Variants in KIR3DL2 observed in about 807,000 individuals in gnomAD.
KIR3DL2 encodes killer cell immunoglobulin like receptor, three Ig domains and long cytoplasmic tail 2, also known as killer cell immunoglobulin-like receptor 3DL2.
In KIR3DL2, 42 loss-of-function variants were observed where a neutral mutation model predicts 41.6. The observed-to-expected ratio is 1.01, with a 90% CI of 0.79 to 1.31. The LOEUF (loss-of-function observed/expected upper bound fraction) is 1.31, where lower values mean the gene tolerates loss of function less well. Among genes scored for constraint, KIR3DL2 ranks in the 50% most tolerant of loss-of-function variants. The probability of loss-of-function intolerance (pLI) is 0.00; values close to 1 mark genes in which losing one functional copy is unlikely to be tolerated. For missense variants in KIR3DL2, 728 were observed against 576.8 expected, an observed-to-expected ratio of 1.26 and a Z score of -2.68; for synonymous variants, 230 against 221.3, an observed-to-expected ratio of 1.04 and a Z score of -0.35.
chr19:54,851,854 T>C, intron 2 of KIR3DL2, 144 bp from the exon 3 acceptor site: 1 of 860,956 alleles, frequency 1.2e-6, no homozygotes, highest in South Asian at 1.4e-5. Flanking sequence ...GCCATGTCTA[T>C]GTGGGGTGGG....
chr19:54,865,694 G>T (rs1601835696), intron 6 of KIR3DL2, 111 bp from the exon 7 acceptor site: 1 of 930,122 alleles, frequency 1.1e-6, no homozygotes, highest in South Asian at 1.5e-5. Context: ...CCATCAGGCT[G>T]CTTGTCCTAA....
Position 54,865,865 on chromosome 19 carries a change from T to A in KIR3DL2, c.1061T>A (p.Leu354His). The A allele has an allele frequency of 6.2e-7, 1 of 1,613,772 alleles. No homozygotes were observed. The highest frequency in any genetic ancestry group is 8.5e-7 in the Non-Finnish European group (1 of 1,179,838). ...GTSVVIFLFILLLFFLLYRWC... is the reference protein window; with the variant it reads ...GTSVVIFLFIHLLFFLLYRWC... The stretch of plus-strand genomic sequence containing the variant: ...TCAGTGGTCATCTTCCTCTTCATCC[T>A]CCTCCTCTTCTTTCTCCTTTATCGC... The change falls in exon 7 of 9, where the codon CTC becomes CAC. Residue 354 changes from leucine (L) to histidine (H), a missense_variant. Physicochemically the swap from Leu to His is moderately conservative, Grantham distance 99 (BLOSUM62 -3). Transcript: ENST00000326321.
chr19:54,855,987 G>T (rs2064739484), intron 5 of KIR3DL2, 75 bp downstream of exon 5: 1 of 1,525,114 alleles, frequency 6.6e-7, no homozygotes, highest in Admixed American at 1.8e-5. Flanking sequence ...CCGATGATGG[G>T]GAGAAGCATG....
intron 5 of KIR3DL2, among the ~76,000 whole-genome samples, chr19:54,857,901 A>T (rs1164019264): frequency 6.6e-6 from 1 of 151,858 alleles, no homozygotes; most frequent in Non-Finnish European, 1.5e-5. Context: ...CATTTCTGTG[A>T]TGATGAGTGA....
At chr19:54,864,275 T>G (rs2145723371) in intron 6 of KIR3DL2, among the ~76,000 whole-genome samples, 1 of 152,280 alleles carries the variant, frequency 6.6e-6, no homozygotes, top group South Asian at 2.1e-4. Flanking sequence ...TAGTATAGTT[T>G]GAAGTCAGGC....
chr19:54,866,882 CGCCACT>C lies in KIR3DL2; in HGVS notation c.*155_*160del. 1.1e-6 allele frequency: 1 copy of C among 870,730 alleles called. No homozygotes were observed. Among genetic ancestry groups the C allele is most frequent in the Non-Finnish European group, 1.8e-6 (1 of 555,380 alleles). The allele number at this position is 870,730 out of a possible 1,614,324, so 53.9% of individuals were successfully genotyped here. On this transcript the variant is annotated 3_prime_UTR_variant, in exon 9 of 9. Coordinates refer to ENST00000326321, the MANE Select transcript of KIR3DL2 (RefSeq NM_006737.4). Reference sequence around the variant, plus strand: ...TCTCTTGCTTACAAATGCCTAAGGTCGCCACTGCCTGCTGCAGAGAAAACACACTCC... The same window carrying C: ...TCTCTTGCTTACAAATGCCTAAGGTCGCCTGCTGCAGAGAAAACACACTCC...
chr19:54,857,236 C>A (rs2064855413), intron 5 of KIR3DL2, among the ~76,000 whole-genome samples: 1 of 151,162 alleles, frequency 6.6e-6, no homozygotes, highest in African/African-American at 2.5e-5. Context: ...ATTACAGGTG[C>A]ACGCCACCAT....
In KIR3DL2 at chr19:54,866,615, C is replaced by T; in HGVS notation, c.1252C>T (p.Pro418Ser). ...AAAAATCAGTCGCCCTTCTCAGAGGCCCAAGACACCCCTAACAGATACCAG... is the reference window on the plus strand; with the variant it reads ...AAAAATCAGTCGCCCTTCTCAGAGGTCCAAGACACCCCTAACAGATACCAG... ...QRKISRPSQR[P>S]KTPLTDTSVY... The change falls in exon 9 of 9, where the codon CCC (proline) becomes TCC (serine). Residue 418 changes from proline (P) to serine (S), a missense_variant. Coordinates refer to ENST00000326321, the MANE Select transcript of KIR3DL2 (RefSeq NM_006737.4). The T allele has an allele frequency of 6.2e-7, 1 of 1,613,996 alleles. No homozygotes were observed. Among genetic ancestry groups the T allele is most frequent in the South Asian group, 1.1e-5 (1 of 91,080 alleles).
chr19:54,862,417 T>C (rs1165038825), intron 6 of KIR3DL2, among the ~76,000 whole-genome samples: 1 of 152,048 alleles, frequency 6.6e-6, no homozygotes, highest in Non-Finnish European at 1.5e-5. Context: ...TATGCCAATT[T>C]CTATCACTCA....
chr19:54,856,379 T>C (rs1344321033), intron 5 of KIR3DL2, among the ~76,000 whole-genome samples: 1 of 151,852 alleles, frequency 6.6e-6, no homozygotes, highest in Non-Finnish European at 1.5e-5. Flanking sequence ...TAAAATCTAG[T>C]GGTCATAAAT....
intron 6 of KIR3DL2, among the ~76,000 whole-genome samples, chr19:54,865,597 C>A (rs1004482697): frequency 1.3e-5 from 2 of 152,038 alleles, no homozygotes; most frequent in Non-Finnish European, 2.9e-5. Context: ...GGTCAAACAT[C>A]TAAACTAAAG....
intron 6 of KIR3DL2, among the ~76,000 whole-genome samples, chr19:54,862,827 A>G (rs972787356): frequency 7.5e-5 from 4 of 53,510 alleles, no homozygotes; most frequent in Non-Finnish European, 1.1e-4. Context: ...TTTTTTTTGT[A>G]TAGTGCTTCT....
Position 54,851,979 on chromosome 19 carries a change from G to A in KIR3DL2, c.71-19G>A. 4.4e-6 allele frequency: 7 copies of A among 1,606,296 alleles called. No homozygotes were observed. Among genetic ancestry groups the A allele is most frequent in the Non-Finnish European group, 6.0e-6 (7 of 1,175,588 alleles). ...GCTCCACATCCTCCTCTCTAAGGCA[G>A]TGCCTCCTTCTCCCCCAGGTGGTCA... On this transcript the variant is annotated intron_variant, in intron 2 of 8. Coordinates refer to ENST00000326321, the MANE Select transcript of KIR3DL2 (RefSeq NM_006737.4).
chr19:54,864,920 A>C (rs2065403698), intron 6 of KIR3DL2, among the ~76,000 whole-genome samples: 4 of 152,104 alleles, frequency 2.6e-5, no homozygotes, highest in Admixed American at 2.6e-4. Context: ...GAAAGAGGGC[A>C]TCCCTGTCTT....
rs775942113 is a variant in KIR3DL2, at chr19:54,866,583, T to C, written c.1220T>C (p.Ile407Thr). 32 of 1,613,804 alleles carry C rather than the reference T, an allele frequency of 2.0e-5. No individual in the cohort carries two copies. The highest frequency in any genetic ancestry group is 2.5e-5 in the Non-Finnish European group (30 of 1,179,960). ...GCACAGTTGGATCACTGCGTTTTCA[T>C]ACAGAGAAAAATCAGTCGCCCTTCT... ...TYAQLDHCVFIQRKISRPSQR... is the reference protein window; with the variant it reads ...TYAQLDHCVFTQRKISRPSQR... Residue 407 changes from isoleucine to threonine, a missense_variant, in exon 9 of 9, where the codon ATA becomes ACA. Physicochemically the swap from Ile to Thr is moderately conservative, Grantham distance 89. Transcript: ENST00000326321.
chr19:54,850,999 T>G lies in KIR3DL2; in HGVS notation c.35-221T>G, dbSNP rs57628793. Among the ~76,000 whole-genome samples, 418 of 123,454 alleles carry G rather than the reference T, an allele frequency of 3.4e-3. 1 individual carries two copies. The highest frequency in any genetic ancestry group is 5.2e-3 in the South Asian group (19 of 3,642). 81.0% of individuals were successfully genotyped at this position (123,454 alleles called of 152,430 possible). ...GAGATAGGGGCCTGGAGTGGAGATATGGGCCTGGAGTGGAGATCTGGGCCA... is the reference window on the plus strand; with the variant it reads ...GAGATAGGGGCCTGGAGTGGAGATAGGGGCCTGGAGTGGAGATCTGGGCCA... On this transcript the variant is annotated intron_variant, in intron 1 of 8. Coordinates refer to ENST00000326321, the MANE Select transcript of KIR3DL2 (RefSeq NM_006737.4).
intron 3 of KIR3DL2, among the ~76,000 whole-genome samples, chr19:54,852,586 G>A (rs2064373073): frequency 6.6e-6 from 1 of 150,492 alleles, no homozygotes; most frequent in African/African-American, 2.4e-5. Flanking sequence ...GTCCTGCTGG[G>A]CTCAGTGTAA....
chr19:54,862,464 G>C (rs748116321), intron 6 of KIR3DL2, among the ~76,000 whole-genome samples: 3 of 151,980 alleles, frequency 2.0e-5, no homozygotes, highest in Non-Finnish European at 4.4e-5. Context: ...CAGAGAATAC[G>C]TTACATAGGC....
chr19:54,866,799 C>T lies in KIR3DL2; in HGVS notation c.*68C>T. 6.0e-6 allele frequency: 9 copies of T among 1,493,988 alleles called. No homozygotes were observed. Among genetic ancestry groups the T allele is most frequent in the East Asian group, 2.3e-5 (1 of 44,260 alleles). 92.5% of individuals were successfully genotyped at this position (1,493,988 alleles called of 1,614,324 possible). ...TGAACCAGCAGCTGGAATCTGAAGG[C>T]ATCAGTCTGCATCTTAGGGGATCGC... On this transcript the variant is annotated 3_prime_UTR_variant, in exon 9 of 9. Transcript: ENST00000326321.
Sources: gnomAD v4.1 joint callset for allele counts (sites outside exome capture counted in the v4.1 genomes callset) on GRCh38, gnomAD v4.1.1 for gene constraint, MANE v1.5 for transcripts, NCBI Gene and HGNC (gene_info 2026-07-23, HGNC 2026-07-21) for gene names.